TSPAN19: variants seen among roughly 807,000 people sequenced by gnomAD.
TSPAN19 encodes the protein tetraspanin-19.
Under a neutral mutation model 35.1 loss-of-function variants are expected in TSPAN19, and 44 were observed. The observed-to-expected ratio is 1.25, with a 90% confidence interval of 0.98 to 1.61. The LOEUF (loss-of-function observed/expected upper bound fraction) is 1.61. Among genes scored for constraint, TSPAN19 ranks in the 40% most tolerant of loss-of-function variants. TSPAN19 has a pLI of 0.00. For synonymous variants in TSPAN19, 79 were observed against 92.0 expected (o/e 0.86, Z 0.81); for missense variants, 290 against 280.0 (o/e 1.04, Z -0.26).
chr12:85,014,635 CCAA>C, intron 8 of TSPAN19, 80 bp from the exon 9 acceptor site: 1 of 1,009,658 alleles, frequency 9.9e-7, no homozygotes, highest in Non-Finnish European at 1.5e-6. Context: ...TATATAGTCA[CCAA>C]AATGCGTATT....
intron 6 of TSPAN19, among the ~76,000 whole-genome samples, chr12:85,018,458 T>A (rs1200331222): frequency 6.6e-6 from 1 of 151,898 alleles, no homozygotes; most frequent in Non-Finnish European, 1.5e-5. Flanking sequence ...AAAGCTGGAA[T>A]TTCACTAATA....
chr12:85,029,898 T>C lies in TSPAN19; in HGVS notation c.49A>G (p.Ile17Val), dbSNP rs201222177. The change falls in exon 2 of 9, where the codon ATT (isoleucine) becomes GTT (valine). Residue 17 changes from isoleucine to valine, a missense_variant. Coordinates refer to ENST00000532498, the MANE Select transcript of TSPAN19 (RefSeq NM_001100917.2). ...ATTCTTACCAAGAAAGCTCCATTAA[T>C]GAGATTAAGAAAGTACTTAATAATT... ...TIIIKYFLNL[I>V]NGAFLVLGLL... 1,168 of 1,484,588 alleles carry C rather than the reference T, an allele frequency of 7.9e-4. 1 individual carries two copies. The highest frequency in any genetic ancestry group is 9.9e-4 in the Non-Finnish European group (1,082 of 1,094,612). The allele number at this position is 1,484,588 out of a possible 1,614,324, so 92.0% of individuals were successfully genotyped here.
chr12:85,022,948 A>C (rs1402609030), intron 5 of TSPAN19, among the ~76,000 whole-genome samples: 1 of 152,138 alleles, frequency 6.6e-6, no homozygotes, highest in African/African-American at 2.4e-5. Context: ...AATTAGTTAG[A>C]GTCTAAATTT....
chr12:85,019,207 G>A (rs778998158), intron 6 of TSPAN19, among the ~76,000 whole-genome samples: 1 of 151,838 alleles, frequency 6.6e-6, no homozygotes, highest in Non-Finnish European at 1.5e-5. Flanking sequence ...CTTTACGAAT[G>A]TGGAACTTGG....
intron 8 of TSPAN19, chr12:85,015,641 T>TA (rs1876753271): frequency 3.5e-6 from 1 of 288,444 alleles, no homozygotes; most frequent in Non-Finnish European, 6.3e-6. Flanking sequence ...GAAAGAAAGA[T>TA]AAAAATATAC....
At chr12:85,025,045 T>C (rs1485175477) in intron 4 of TSPAN19, among the ~76,000 whole-genome samples, 1 of 152,064 alleles carries the variant, frequency 6.6e-6, no homozygotes, top group Non-Finnish European at 1.5e-5. Context: ...TTTACATCTA[T>C]TTAGATGTTT....
intron 3 of TSPAN19, among the ~76,000 whole-genome samples, 155 bp downstream of exon 3, chr12:85,029,564 A>G (rs1877583685): frequency 6.6e-6 from 1 of 152,082 alleles, no homozygotes; most frequent in East Asian, 1.9e-4. Context: ...TGTATCCTTT[A>G]AAAAATCTCT....
chr12:85,017,330 T>A, intron 7 of TSPAN19, 126 bp downstream of exon 7: 1 of 820,086 alleles, frequency 1.2e-6, no homozygotes, highest in South Asian at 1.7e-5. Context: ...GGGAAGTGGA[T>A]TAAGAATGTA....
In TSPAN19 at chr12:85,015,933, A is replaced by G. The variant is rs574231127; in HGVS notation, c.633T>C (p.Asn211=). The G allele has an allele frequency of 1.3e-6, 2 of 1,551,122 alleles. No homozygotes were observed. The highest frequency in any genetic ancestry group is 1.2e-5 in the South Asian group (1 of 83,416). The part of the protein sequence containing the change: ...ENKISAWYNV[N]VLTLIGINFG... ...AGTTAATTCCGATTAAGGTTAACAC[A>G]TTAACATTATACCATGCACTGATTT... is the stretch of plus-strand genomic sequence containing the variant. Residue 211 remains asparagine (N), a synonymous_variant, in exon 8 of 9, where the codon AAT becomes AAC. Coordinates refer to ENST00000532498, the MANE Select transcript of TSPAN19 (RefSeq NM_001100917.2).
chr12:85,032,811 G>C (rs1877751231), intron 1 of TSPAN19, among the ~76,000 whole-genome samples: 1 of 152,086 alleles, frequency 6.6e-6, no homozygotes, highest in Non-Finnish European at 1.5e-5. Flanking sequence ...CAAAGAATTT[G>C]TTTCTAACTT....
At chr12:85,017,170 C>T (rs1592658181) in intron 7 of TSPAN19, 1 of 302,176 alleles carries the variant, frequency 3.3e-6, no homozygotes, top group East Asian at 9.4e-5. Context: ...CCTCTTTCTG[C>T]AGGACTTCTC....
At position 85,020,137 on chromosome 12, in the gene TSPAN19, TG is replaced by T. The variant is rs576766990; in HGVS notation, c.340-402del. ...CAAACTTCAACATTCCTTGATTCTG[TG>T]GGGGTTTGTACTGTACTTTTCATGG... On this transcript the variant is annotated intron_variant, in intron 5 of 8. Coordinates refer to ENST00000532498, the MANE Select transcript of TSPAN19 (RefSeq NM_001100917.2). Among the ~76,000 whole-genome samples the T allele has an allele frequency of 3.2e-3, 490 of 151,968 alleles. 5 individuals carry two copies. The highest frequency in any genetic ancestry group is 0.011 in the African/African-American group (466 of 41,494).
intron 6 of TSPAN19, among the ~76,000 whole-genome samples, chr12:85,019,359 C>A (rs546913449): frequency 6.6e-6 from 1 of 151,876 alleles, no homozygotes; most frequent in Non-Finnish European, 1.5e-5. Context: ...GATAGACTAT[C>A]CCACTTGGCA....
rs999360624 is a variant in TSPAN19 at position 85,028,090 on chromosome 12, T to C, written c.140-67A>G. 1.2e-5 allele frequency: 16 copies of C among 1,300,262 alleles called. No individual in the cohort carries two copies. In the East Asian group the frequency reaches 4.1e-4, roughly 33 times the overall value. The allele number at this position is 1,300,262 out of a possible 1,614,324, so 80.5% of individuals were successfully genotyped here. A position where few individuals can be genotyped will look rare whatever the true frequency, so the allele number is the denominator to read the frequency against. ...ATATGAAGTGGTATTTTATTTATTT[T>C]CTATTTAAGAATAATTGCAGCAATC... On this transcript the variant is annotated intron_variant, in intron 3 of 8. Transcript: ENST00000532498.
intron 5 of TSPAN19, among the ~76,000 whole-genome samples, chr12:85,022,196 C>G (rs951276510): frequency 2.0e-4 from 31 of 151,806 alleles, no homozygotes; most frequent in Non-Finnish European, 1.2e-4. Flanking sequence ...GCTAACATAC[C>G]TTTAAAACTC....
Position 85,017,487 on chromosome 12 carries a change from C to G in TSPAN19, c.563G>C (p.Cys188Ser). Residue 188 changes from cysteine to serine, a missense_variant, in exon 7 of 9, where the codon TGT (cysteine) becomes TCT (serine). By Grantham distance (112) the Cys-to-Ser change is moderately radical. Transcript: ENST00000532498. ...CTKSTLRKWFCDEPLNATYLE... is the reference protein window; with the variant it reads ...CTKSTLRKWFSDEPLNATYLE... The stretch of plus-strand genomic sequence containing the variant: ...GTAAGTTGCATTCAGTGGCTCATCA[C>G]AAAACCATTTTCTTAAAGTTGACTT... The G allele has an allele frequency of 6.2e-7, 1 of 1,609,044 alleles. No individual in the cohort carries two copies. Among genetic ancestry groups the G allele is most frequent in the South Asian group, 1.1e-5 (1 of 90,440 alleles).
intron 1 of TSPAN19, among the ~76,000 whole-genome samples, chr12:85,034,245 C>G (rs1307112870): frequency 2.0e-5 from 3 of 152,138 alleles, no homozygotes; most frequent in Admixed American, 6.6e-5. Flanking sequence ...TGCTCTGCAA[C>G]TATTTTGAAC....
chr12:85,016,109 T>A, intron 7 of TSPAN19, 138 bp from the exon 8 acceptor site: 2 of 522,306 alleles, frequency 3.8e-6, no homozygotes. Context: ...ATTGGCGAAC[T>A]GGACTTTTAG....
chr12:85,025,270 G>A (rs1877343682), intron 4 of TSPAN19, among the ~76,000 whole-genome samples: 1 of 151,188 alleles, frequency 6.6e-6, no homozygotes, highest in South Asian at 2.1e-4. Flanking sequence ...CTAGTAGCTG[G>A]GATTACCAGT....
Sources: gnomAD v4.1 joint callset for allele counts (sites outside exome capture counted in the v4.1 genomes callset) on GRCh38, gnomAD v4.1.1 for gene constraint, MANE v1.5 for transcripts, NCBI Gene and HGNC (gene_info 2026-07-23, HGNC 2026-07-21) for gene names.